Variants in BARX2 observed in about 807,000 individuals in gnomAD.
BARX2 encodes BARX homeobox 2.
In BARX2, 11 loss-of-function variants were observed where a neutral mutation model predicts 25.5. The ratio of observed to expected loss-of-function variants is 0.43; its 90% CI spans 0.27 to 0.71. The LOEUF (loss-of-function observed/expected upper bound fraction) is 0.71. BARX2 is among the 30% of genes least tolerant of loss of function. The probability of loss-of-function intolerance (pLI) is 0.19; values close to 1 mark genes in which losing one functional copy is unlikely to be tolerated. For missense variants in BARX2, 360 were observed against 359.9 expected, an observed-to-expected ratio of 1.00 and a Z score of 0.00; for synonymous variants, 137 against 149.5, an observed-to-expected ratio of 0.92 and a Z score of 0.61.
At chr11:129,431,029 CTT>C (rs1214506490) in intron 1 of BARX2, among the ~76,000 whole-genome samples, 2 of 152,040 alleles carry the variant, frequency 1.3e-5, no homozygotes, top group Admixed American at 1.3e-4. Context: ...GCCCGACTAA[CTT>C]TTGTATTTTT....
upstream of BARX2, among the ~76,000 whole-genome samples, chr11:129,375,748 C>T (rs1455599636): frequency 6.6e-6 from 1 of 152,008 alleles, no homozygotes; most frequent in Non-Finnish European, 1.5e-5. This position sits in a 1 kb window ranked among gnomAD's most constrained non-coding sequence, Gnocchi z 4.0. Flanking sequence ...GGGGTGGGCG[C>T]GGACGCCCCT....
At chr11:129,402,308 A>G (rs1648995039) in intron 1 of BARX2, among the ~76,000 whole-genome samples, 1 of 147,548 alleles carries the variant, frequency 6.8e-6, no homozygotes, top group South Asian at 2.3e-4. Flanking sequence ...CACACTGAGC[A>G]TTTGTTTCCC....
intron 1 of BARX2, among the ~76,000 whole-genome samples, chr11:129,396,077 T>C (rs1463070788): frequency 6.6e-6 from 1 of 152,166 alleles, no homozygotes; most frequent in Non-Finnish European, 1.5e-5. Context: ...CTCTGTGTGC[T>C]CCGGTAGCAC....
At chr11:129,410,357 C>T (rs1056302165) in intron 1 of BARX2, among the ~76,000 whole-genome samples, 6 of 152,108 alleles carry the variant, frequency 3.9e-5, no homozygotes, top group African/African-American at 9.7e-5. Flanking sequence ...TATTTTTTCT[C>T]ATCTCTCTGA....
In BARX2 at chr11:129,384,231, C is replaced by CTTT. The variant is rs528388676; in HGVS notation, c.187+8020_187+8022dup. 6.1e-5 allele frequency among the ~76,000 whole-genome samples: 9 copies of CTTT among 146,770 alleles called. No homozygotes were observed. In the East Asian group the frequency reaches 1.4e-3, roughly 23 times the overall value. On this transcript the variant is annotated intron_variant, in intron 1 of 3. Coordinates refer to ENST00000281437, the MANE Select transcript of BARX2 (RefSeq NM_003658.5). ...TAGGTGATGTCAGATCATTTCTGAT[C>CTTT]TTTTTTTTTTTTTAAAAAACCAACA...
chr11:129,418,913 A>G (rs1861973542), intron 1 of BARX2, among the ~76,000 whole-genome samples: 1 of 152,224 alleles, frequency 6.6e-6, no homozygotes, highest in Non-Finnish European at 1.5e-5. Context: ...TTGTTTCATT[A>G]TAACGTTGAT....
At chr11:129,417,007 T>A (rs1186909840) in intron 1 of BARX2, among the ~76,000 whole-genome samples, 1 of 151,884 alleles carries the variant, frequency 6.6e-6, no homozygotes, top group Non-Finnish European at 1.5e-5. Flanking sequence ...GTTCACGCCA[T>A]TCTCCTGCCT....
intron 1 of BARX2, among the ~76,000 whole-genome samples, chr11:129,406,430 G>A (rs925096930): frequency 6.6e-6 from 1 of 152,246 alleles, no homozygotes; most frequent in Non-Finnish European, 1.5e-5. Context: ...TTCCCGGGCT[G>A]TATTGTTCCT....
At chr11:129,437,230 A>G (rs997167116) in intron 2 of BARX2, 179 bp downstream of exon 2, 13 of 692,318 alleles carry the variant, frequency 1.9e-5, no homozygotes, top group Non-Finnish European at 2.6e-5. Context: ...ACATGAATCC[A>G]CCACACGGTC....
intron 2 of BARX2, among the ~76,000 whole-genome samples, chr11:129,440,058 T>C (rs7103029): frequency 0.26 from 39,188 of 152,074 alleles, 6,201 homozygotes; most frequent in African/African-American, 0.45. Context: ...CATCTTCACC[T>C]GCCCTCTCAG....
At chr11:129,446,158 T>C (rs192741949) in intron 3 of BARX2, among the ~76,000 whole-genome samples, 90 of 152,278 alleles carry the variant, frequency 5.9e-4, no homozygotes, top group African/African-American at 2.1e-3. Context: ...TGGCTTTAGT[T>C]CCCGCAGGAC....
intron 3 of BARX2, among the ~76,000 whole-genome samples, chr11:129,444,995 C>T (rs3019118): frequency 0.2 from 29,933 of 150,422 alleles, 3,665 homozygotes; most frequent in Non-Finnish European, 0.26. Flanking sequence ...AGCAAGACTC[C>T]GTCTCAAAAA....
rs994567795 is a variant in BARX2, at chr11:129,401,270, A to T, written c.187+25048A>T. Among the ~76,000 whole-genome samples, 4 of 152,068 alleles carry T rather than the reference A, an allele frequency of 2.6e-5. No individual in the cohort carries two copies. The East Asian group carries it at 5.8e-4, about 22-fold the overall frequency. On this transcript the variant is annotated intron_variant, in intron 1 of 3. Transcript: ENST00000281437. ...GAGAGAAATTGTTAGAGATGGATAT[A>T]AGTTAAGACATAGTTTTAGTATGGC...
intron 2 of BARX2, among the ~76,000 whole-genome samples, chr11:129,441,710 A>G (rs1447794659): frequency 1.3e-5 from 2 of 152,170 alleles, no homozygotes; most frequent in Admixed American, 1.3e-4. Context: ...TCGGCCTCCC[A>G]AAGTGCTGGG....
At chr11:129,399,326 G>A (rs1247598229) in intron 1 of BARX2, among the ~76,000 whole-genome samples, 3 of 152,168 alleles carry the variant, frequency 2.0e-5, no homozygotes, top group African/African-American at 4.8e-5. Flanking sequence ...TTGACTTTAG[G>A]TTGGCTGCTG....
intron 1 of BARX2, among the ~76,000 whole-genome samples, chr11:129,432,881 C>T (rs912091087): frequency 1.3e-5 from 2 of 152,170 alleles, no homozygotes; most frequent in Admixed American, 1.3e-4. Flanking sequence ...TCTCTGTCCC[C>T]TCCTCAGTGT....
intron 1 of BARX2, among the ~76,000 whole-genome samples, chr11:129,382,956 C>T (rs1861583362): frequency 6.6e-6 from 1 of 152,194 alleles, no homozygotes; most frequent in African/African-American, 2.4e-5. Flanking sequence ...GCCTGCCTGT[C>T]GGTGCCTGCC....
At chr11:129,394,602 C>G (rs1861699042) in intron 1 of BARX2, among the ~76,000 whole-genome samples, 1 of 151,856 alleles carries the variant, frequency 6.6e-6, no homozygotes, top group African/African-American at 2.4e-5. Context: ...TGTAAAACCA[C>G]TAGAAAATAA....
chr11:129,419,937 C>A (rs575820477), intron 1 of BARX2, among the ~76,000 whole-genome samples: 1 of 151,930 alleles, frequency 6.6e-6, no homozygotes, highest in Non-Finnish European at 1.5e-5. Flanking sequence ...TTAGCCACCA[C>A]GTCTGGCTAA....
Sources: gnomAD v4.1 joint callset for allele counts (sites outside exome capture counted in the v4.1 genomes callset) on GRCh38, gnomAD v4.1.1 for gene constraint, Gnocchi (gnomAD v3.1) non-coding constraint, MANE v1.5 for transcripts, NCBI Gene and HGNC (gene_info 2026-07-23, HGNC 2026-07-21) for gene names.